Variants in MYT1L observed in about 807,000 individuals in gnomAD.
MYT1L encodes the protein myelin transcription factor 1-like protein.
Under a neutral mutation model 126.7 loss-of-function variants are expected in MYT1L, and 12 were observed. That is an observed-to-expected ratio of 0.09 (90% confidence interval 0.06 to 0.15). The LOEUF is 0.15. Ranked by LOEUF, MYT1L falls within the 10% of genes least tolerant of loss-of-function variation. The pLI is 1.00. For missense variants in MYT1L, 979 were observed against 1,585.2 expected (o/e 0.62, Z 6.49); for synonymous variants, 541 against 604.2 (o/e 0.90, Z 1.53).
intron 4 of MYT1L, among the ~76,000 whole-genome samples, chr2:2,008,694 A>G (rs1342905816): frequency 6.6e-6 from 1 of 151,814 alleles, no homozygotes; most frequent in Non-Finnish European, 1.5e-5. Flanking sequence ...TGTGTAGTCC[A>G]TTTATTTATT....
intron 23 of MYT1L, among the ~76,000 whole-genome samples, chr2:1,797,316 T>A (rs527940218): frequency 6.6e-6 from 1 of 152,140 alleles, no homozygotes; most frequent in Non-Finnish European, 1.5e-5. Flanking sequence ...CTCCACCTCC[T>A]GGGTTCACGC....
At chr2:2,129,715 G>A (rs1256717339) in intron 3 of MYT1L, among the ~76,000 whole-genome samples, 3 of 152,112 alleles carry the variant, frequency 2.0e-5, no homozygotes, top group African/African-American at 7.2e-5. Flanking sequence ...GACCATCCTG[G>A]CTAACACGGT....
chr2:2,231,398 T>A (rs1291939974), intron 2 of MYT1L, among the ~76,000 whole-genome samples: 2 of 152,230 alleles, frequency 1.3e-5, no homozygotes, highest in Admixed American at 1.3e-4. Context: ...TGCCTAAGAT[T>A]TTCAAGGCTC....
rs1363181044 is a variant in MYT1L, at chr2:1,847,453, A to G, written c.2774+4188T>C. On this transcript the variant is annotated intron_variant, in intron 19 of 24. Coordinates refer to ENST00000647738, the MANE Select transcript of MYT1L (RefSeq NM_001303052.2). ...CCTTGGAGCTCTTGCTGCTTGCCTG[A>G]TCCTATGAAAAACGCATGTGGGACG... Among the ~76,000 whole-genome samples, 3 of 151,978 alleles carry G rather than the reference A, an allele frequency of 2.0e-5. 1 individual carries two copies. The highest frequency in any genetic ancestry group is 4.2e-4 in the South Asian group (2 of 4,808).
intron 18 of MYT1L, among the ~76,000 whole-genome samples, chr2:1,884,623 G>A (rs2047949367): frequency 6.6e-6 from 1 of 152,228 alleles, no homozygotes; most frequent in South Asian, 2.1e-4. Flanking sequence ...TTCATAGAAA[G>A]GGACAATTTA....
intron 18 of MYT1L, among the ~76,000 whole-genome samples, chr2:1,879,476 G>A (rs555341088): frequency 3.9e-5 from 6 of 152,220 alleles, no homozygotes; most frequent in South Asian, 2.1e-4. Flanking sequence ...CACTCCAGAG[G>A]AGCCCAGAAT....
chr2:1,850,832 C>G (rs1380254581), intron 19 of MYT1L, among the ~76,000 whole-genome samples: 3 of 152,130 alleles, frequency 2.0e-5, no homozygotes, highest in African/African-American at 4.8e-5. Flanking sequence ...TTTCCATCCA[C>G]TGACCCCAAT....
At chr2:2,008,637 T>C (rs2063545335) in intron 4 of MYT1L, among the ~76,000 whole-genome samples, 1 of 152,220 alleles carries the variant, frequency 6.6e-6, no homozygotes, top group African/African-American at 2.4e-5. Flanking sequence ...TAGGCTGCTT[T>C]TTCATTGTGA....
At chr2:1,875,631 C>T (rs1479827861) in intron 18 of MYT1L, among the ~76,000 whole-genome samples, 1 of 152,202 alleles carries the variant, frequency 6.6e-6, no homozygotes, top group African/African-American at 2.4e-5. Flanking sequence ...TCCCCAAGCA[C>T]TGGGCCAGGA....
intron 8 of MYT1L, among the ~76,000 whole-genome samples, chr2:1,966,432 A>G (rs2059363056): frequency 6.6e-6 from 1 of 152,230 alleles, no homozygotes. Context: ...GATAACAGGG[A>G]CATCCTTTGA....
intron 3 of MYT1L, among the ~76,000 whole-genome samples, chr2:2,145,562 T>C (rs909731612): frequency 2.6e-5 from 4 of 150,964 alleles, no homozygotes; most frequent in Non-Finnish European, 5.9e-5. Context: ...CATTCTAAAG[T>C]AAAAAGGGTA....
intron 2 of MYT1L, among the ~76,000 whole-genome samples, chr2:2,187,814 T>G (rs994300656): frequency 6.6e-6 from 1 of 152,152 alleles, no homozygotes; most frequent in Admixed American, 6.5e-5. Flanking sequence ...CCCACAAGTC[T>G]CAATACACCT....
At chr2:1,909,752 C>T (rs2051634784) in intron 13 of MYT1L, among the ~76,000 whole-genome samples, 1 of 152,172 alleles carries the variant, frequency 6.6e-6, no homozygotes, top group African/African-American at 2.4e-5. Context: ...CACCTCAGGG[C>T]ATTGGGCGTA....
chr2:1,952,722 CCT>C (rs1558515603), intron 8 of MYT1L, among the ~76,000 whole-genome samples: 1 of 52,880 alleles, frequency 1.9e-5, no homozygotes, highest in Non-Finnish European at 3.8e-5. Flanking sequence ...TTCCCTCCTT[CCT>C]TCCCTTCCCT....
intron 2 of MYT1L, among the ~76,000 whole-genome samples, chr2:2,283,446 G>C (rs915468544): frequency 1.1e-4 from 16 of 152,206 alleles, no homozygotes; most frequent in South Asian, 4.1e-4. Flanking sequence ...AAAAGTAAGA[G>C]AGTACAGAGA....
intron 21 of MYT1L, among the ~76,000 whole-genome samples, chr2:1,818,281 A>T (rs1003573232): frequency 6.6e-6 from 1 of 152,144 alleles, no homozygotes; most frequent in Non-Finnish European, 1.5e-5. Context: ...CTAGGATGAG[A>T]ACTCACGACA....
chr2:2,189,854 G>C (rs570200620), intron 2 of MYT1L, among the ~76,000 whole-genome samples: 5,591 of 148,392 alleles, frequency 0.038, 406 homozygotes, highest in African/African-American at 0.13. Context: ...GAGAAGCAGC[G>C]TTCTCAGGAC....
intron 18 of MYT1L, among the ~76,000 whole-genome samples, chr2:1,881,712 G>A (rs1016851772): frequency 7.2e-5 from 11 of 152,176 alleles, no homozygotes; most frequent in African/African-American, 2.4e-4. Context: ...ACCACTGGGC[G>A]GGTCTCAGCT....
At chr2:1,957,975 A>G (rs940683485) in intron 8 of MYT1L, among the ~76,000 whole-genome samples, 1 of 152,166 alleles carries the variant, frequency 6.6e-6, no homozygotes. Flanking sequence ...CCAAGCAGGG[A>G]GTGTCTGATA....
Sources: allele counts gnomAD v4.1 joint callset (sites outside exome capture counted in the v4.1 genomes callset), GRCh38; gene constraint gnomAD v4.1.1; transcripts MANE v1.5; gene names NCBI Gene and HGNC (gene_info 2026-07-23, HGNC 2026-07-21).